Variants in NUGGC observed in about 807,000 individuals in gnomAD.
NUGGC encodes nuclear GTPase, germinal center associated, also known as nuclear GTPase SLIP-GC.
A neutral mutation model predicts 92.6 loss-of-function variants in NUGGC; 58 were observed. The observed-to-expected ratio is 0.63, with a 90% CI of 0.51 to 0.78. The LOEUF is 0.78. Ranked by LOEUF, NUGGC falls within the 30% of genes least tolerant of loss-of-function variation. The pLI is 0.00. For missense variants in NUGGC, 925 were observed against 964.6 expected (o/e 0.96, Z 0.54); for synonymous variants, 376 against 366.4 (o/e 1.03, Z -0.30).
intron 10 of NUGGC, among the ~76,000 whole-genome samples, chr8:28,047,885 A>G (rs1031319566): frequency 4.6e-5 from 7 of 152,214 alleles, no homozygotes; most frequent in African/African-American, 7.2e-5. Context: ...AAAATAATTC[A>G]AAGTTGTATT....
At chr8:28,052,308 C>G (rs1369330116) in intron 10 of NUGGC, among the ~76,000 whole-genome samples, 4 of 152,168 alleles carry the variant, frequency 2.6e-5, no homozygotes, top group Non-Finnish European at 2.9e-5. Context: ...TTGTCACTGC[C>G]TGTGTGTTAT....
chr8:28,060,054 T>C (rs1400280487), intron 8 of NUGGC, among the ~76,000 whole-genome samples: 2 of 150,666 alleles, frequency 1.3e-5, no homozygotes, highest in East Asian at 3.9e-4. Context: ...CCAGATAGGA[T>C]TATAGGCTGT....
intron 6 of NUGGC, among the ~76,000 whole-genome samples, chr8:28,065,969 A>C (rs568925181): frequency 6.8e-6 from 1 of 147,660 alleles, no homozygotes; most frequent in South Asian, 2.2e-4. Flanking sequence ...CAGCCCAATA[A>C]ACTGGTTCCG....
At chr8:28,040,844 A>G (rs1360064944) in intron 13 of NUGGC, among the ~76,000 whole-genome samples, 5 of 152,106 alleles carry the variant, frequency 3.3e-5, no homozygotes, top group South Asian at 4.1e-4. Flanking sequence ...ACGGGGTTTC[A>G]CCATGTTGGC....
At chr8:28,041,884 T>C (rs1809708918) in intron 12 of NUGGC, among the ~76,000 whole-genome samples, 1 of 152,144 alleles carries the variant, frequency 6.6e-6, no homozygotes, top group South Asian at 2.1e-4. Flanking sequence ...CCTTGACCCC[T>C]AGGTGCCTGA....
At chr8:28,067,834 C>A (rs546190589) in intron 5 of NUGGC, 90 bp from the exon 6 acceptor site, 367 of 946,000 alleles carry the variant, frequency 3.9e-4, no homozygotes, top group Non-Finnish European at 5.7e-4. Context: ...TGTGGAGGGC[C>A]AGGGGGCTGC....
intron 11 of NUGGC, among the ~76,000 whole-genome samples, chr8:28,046,068 T>A (rs11136028): frequency 6.6e-6 from 1 of 151,820 alleles, no homozygotes; most frequent in African/African-American, 2.4e-5. Context: ...GAATAGCCCA[T>A]GCTTGCTGTA....
intron 2 of NUGGC, among the ~76,000 whole-genome samples, chr8:28,074,052 G>A (rs1810658393): frequency 6.6e-6 from 1 of 151,634 alleles, no homozygotes; most frequent in East Asian, 1.9e-4. Flanking sequence ...ACCCGCCTCA[G>A]CCTCCCAAAT....
At chr8:28,037,108 C>T (rs1324169409) in intron 13 of NUGGC, among the ~76,000 whole-genome samples, 1 of 152,172 alleles carries the variant, frequency 6.6e-6, no homozygotes, top group Non-Finnish European at 1.5e-5. Context: ...CTCGTTTATC[C>T]AGCTACCCGC....
intron 1 of NUGGC, among the ~76,000 whole-genome samples, chr8:28,076,138 T>A (rs1412704731): frequency 2.0e-5 from 3 of 152,186 alleles, no homozygotes; most frequent in Non-Finnish European, 4.4e-5. Flanking sequence ...GTTGAACCAC[T>A]CGAGGTCAGA....
At chr8:28,027,948 C>T (rs185162974) in intron 17 of NUGGC, among the ~76,000 whole-genome samples, 21 of 151,532 alleles carry the variant, frequency 1.4e-4, no homozygotes, top group African/African-American at 3.9e-4. Context: ...AGGACTATTG[C>T]GAAGAGGTAA....
intron 13 of NUGGC, 71 bp from the exon 14 acceptor site, chr8:28,033,768 C>G: frequency 4.5e-6 from 6 of 1,341,034 alleles, no homozygotes; most frequent in Non-Finnish European, 6.4e-6. Flanking sequence ...ATTGCATTGC[C>G]CTGGCCAAAG....
intron 12 of NUGGC, among the ~76,000 whole-genome samples, chr8:28,042,445 A>G (rs1809723140): frequency 1.3e-5 from 2 of 152,122 alleles, no homozygotes. Flanking sequence ...GCTATTCCCC[A>G]AACATGCTGT....
chr8:28,076,876 T>C (rs1810735721), intron 1 of NUGGC, among the ~76,000 whole-genome samples: 1 of 152,152 alleles, frequency 6.6e-6, no homozygotes, highest in Non-Finnish European at 1.5e-5. Flanking sequence ...ATCCACTAGG[T>C]GGCAGGTACA....
In NUGGC at chr8:28,041,213, A is replaced by G. The variant is rs1292339937; in HGVS notation, c.1449T>C (p.Asn483=). The change falls in exon 13 of 19, where the codon AAT becomes AAC. Residue 483 remains asparagine, a splice_region_variant and synonymous_variant. Coordinates refer to ENST00000413272, the MANE Select transcript of NUGGC (RefSeq NM_001010906.2). ...DSFNSTQNLP[N]EHLHMSVLRR... ...GCAGGACACTCATGTGCAAGTGTTC[A>G]TTCTAGGGACAAGGACCATAAAAGA... 2.5e-6 allele frequency: 4 copies of G among 1,609,356 alleles called. No individual in the cohort carries two copies. The highest frequency in any genetic ancestry group is 2.2e-5 in the South Asian group (2 of 89,482).
intron 18 of NUGGC, 99 bp from the exon 19 acceptor site, chr8:28,023,561 T>G (rs1207510589): frequency 2.5e-5 from 31 of 1,221,474 alleles, no homozygotes; most frequent in Non-Finnish European, 4.6e-6. Context: ...TGTCCCAGAA[T>G]ATGAGATCTG....
intron 7 of NUGGC, among the ~76,000 whole-genome samples, chr8:28,061,784 A>G (rs1371320227): frequency 6.6e-6 from 1 of 152,096 alleles, no homozygotes; most frequent in Non-Finnish European, 1.5e-5. Context: ...AATTGTGACA[A>G]CCTTGGGGGG....
At chr8:28,073,621 G>A (rs928029684) in intron 2 of NUGGC, among the ~76,000 whole-genome samples, 3 of 152,092 alleles carry the variant, frequency 2.0e-5, no homozygotes, top group Admixed American at 6.5e-5. Context: ...CTCCAGGGGC[G>A]CAATACCAGC....
At chr8:28,077,970 T>G (rs1417815148) in intron 1 of NUGGC, among the ~76,000 whole-genome samples, 1 of 152,216 alleles carries the variant, frequency 6.6e-6, no homozygotes, top group African/African-American at 2.4e-5. Context: ...ATACGGGTAG[T>G]AGTTTTGGCT....
Sources: allele counts gnomAD v4.1 joint callset (sites outside exome capture counted in the v4.1 genomes callset), GRCh38; gene constraint gnomAD v4.1.1; transcripts MANE v1.5; gene names NCBI Gene and HGNC (gene_info 2026-07-23, HGNC 2026-07-21).